The following TASOR variants were observed in gnomAD, a reference collection of about 807,000 sequenced individuals.
The protein encoded by TASOR is protein TASOR.
TASOR carries 53 observed loss-of-function variants against 178.6 expected under a neutral mutation model. The observed-to-expected ratio is 0.30, with a 90% CI of 0.24 to 0.37. TASOR has a LOEUF of 0.37. Among genes scored for constraint, TASOR ranks in the 10% least tolerant of loss-of-function variants. The pLI is 1.00. For synonymous variants in TASOR, 713 were observed against 696.2 expected (o/e 1.02, Z -0.38); for missense variants, 1,815 against 1,971.4 (o/e 0.92, Z 1.50).
At chr3:56,649,299 C>A (rs1438449004) in intron 11 of TASOR, among the ~76,000 whole-genome samples, 1 of 152,158 alleles carries the variant, frequency 6.6e-6, no homozygotes, top group Admixed American at 6.5e-5. Context: ...AAGAACTCCC[C>A]TAACTGCAAA....
intron 11 of TASOR, among the ~76,000 whole-genome samples, chr3:56,651,907 C>T (rs1482731507): frequency 6.6e-6 from 1 of 152,070 alleles, no homozygotes; most frequent in Non-Finnish European, 1.5e-5. Context: ...GTTCATAGCA[C>T]CATTATTCAT....
At chr3:56,670,940 CA>C (rs11300845) in intron 3 of TASOR, among the ~76,000 whole-genome samples, 14,493 of 52,540 alleles carry the variant, frequency 0.28, 318 homozygotes, top group East Asian at 0.35. Context: ...GACTCCATCT[CA>C]AAAAAAAAAA....
chr3:56,639,207 A>G (rs1044159437), intron 16 of TASOR, among the ~76,000 whole-genome samples: 2 of 152,216 alleles, frequency 1.3e-5, no homozygotes, highest in Non-Finnish European at 2.9e-5. Flanking sequence ...TTTAGTTCAC[A>G]GGCCAGTCTA....
In TASOR at chr3:56,633,064, C is replaced by T; in HGVS notation, c.3727G>A (p.Val1243Met). The change falls in exon 18 of 24, where the codon GTG becomes ATG. Residue 1243 changes from valine (V) to methionine (M), a missense_variant. Coordinates refer to ENST00000683822, the MANE Select transcript of TASOR (RefSeq NM_001365635.2). ...KFYIHEEEES[V>M]LCKEIKEYLI... The stretch of plus-strand genomic sequence containing the variant: ...GTTACCTTTATTTCTTTACAGAGCA[C>T]ACTCTCTTCTTCTTCATGAATATAA... 6.3e-7 allele frequency: 1 copy of T among 1,595,310 alleles called. No individual in the cohort carries two copies.
Position 56,683,178 on chromosome 3 carries a change from C to CTACA in TASOR, c.-173_-172insTGTA. ...GGCAGCCTCTTGGGGGGCCCTGTAG[C>CTACA]GGGCACCCCAAATGCGCTGCCCGGT... is the stretch of plus-strand genomic sequence containing the variant. On this transcript the variant is annotated 5_prime_UTR_variant, in exon 1 of 24. Coordinates refer to ENST00000683822, the MANE Select transcript of TASOR (RefSeq NM_001365635.2). 3.0e-6 allele frequency: 2 copies of CTACA among 660,378 alleles called. No homozygotes were observed. Among genetic ancestry groups the CTACA allele is most frequent in the Non-Finnish European group, 2.5e-6 (1 of 403,898 alleles). The allele number at this position is 660,378 out of a possible 1,614,324, so 40.9% of individuals were successfully genotyped here.
At position 56,682,688 on chromosome 3, in the gene TASOR, T is replaced by C; in HGVS notation, c.319A>G (p.Arg107Gly). The change falls in exon 1 of 24, where the codon AGA (arginine) becomes GGA (glycine). Residue 107 changes from arginine (R) to glycine (G), a missense_variant. Coordinates refer to ENST00000683822, the MANE Select transcript of TASOR (RefSeq NM_001365635.2). Reference protein sequence around the residue: ...RRSFQIPRKSREKKALFQPLT... With the variant: ...RRSFQIPRKSGEKKALFQPLT... ...GGGGAGGCACCACCTTTCTTTTCTC[T>C]GCTCTTCCTGGGGATCTGAAAACTC... 1 of 1,472,308 alleles carries C rather than the reference T, an allele frequency of 6.8e-7. No individual in the cohort carries two copies. Among genetic ancestry groups the C allele is most frequent in the Non-Finnish European group, 9.0e-7 (1 of 1,109,148 alleles). The allele number at this position is 1,472,308 out of a possible 1,614,324, so 91.2% of individuals were successfully genotyped here. A position where few individuals can be genotyped will look rare whatever the true frequency, so the allele number is the denominator to read the frequency against.
chr3:56,660,714 A>G lies in TASOR; in HGVS notation c.1368+17T>C, dbSNP rs41276465. 0.049 allele frequency: 78,155 copies of G among 1,587,228 alleles called. 2,154 individuals are homozygous for G. Among genetic ancestry groups the G allele is most frequent in the East Asian group, 0.095 (4,231 of 44,672 alleles). On this transcript the variant is annotated intron_variant, in intron 11 of 23. Transcript: ENST00000683822. ...TTGTAACAAAGAATGAGAAACATTA[A>G]AAAACTTTTCACTCACAAGTTTTTC...
chr3:56,655,198 CT>C (rs1200765038), intron 11 of TASOR, among the ~76,000 whole-genome samples: 2 of 151,852 alleles, frequency 1.3e-5, no homozygotes, highest in African/African-American at 4.8e-5. Context: ...TGTTATAAGG[CT>C]TTTTTTTCTT....
At chr3:56,682,056 A>G (rs1354424785) in intron 1 of TASOR, among the ~76,000 whole-genome samples, 1 of 152,214 alleles carries the variant, frequency 6.6e-6, no homozygotes, top group Non-Finnish European at 1.5e-5. Context: ...ATTTAAAGAG[A>G]GAAAAACCTA....
intron 11 of TASOR, among the ~76,000 whole-genome samples, chr3:56,650,278 G>A (rs920414934): frequency 1.9e-4 from 29 of 152,180 alleles, no homozygotes; most frequent in Non-Finnish European, 2.9e-5. Context: ...AAAAGTAACT[G>A]TGCTACTAAT....
chr3:56,653,441 C>T (rs1004195925), intron 11 of TASOR, among the ~76,000 whole-genome samples: 1 of 150,522 alleles, frequency 6.6e-6, no homozygotes, highest in Admixed American at 6.6e-5. Flanking sequence ...AACTGCTAAA[C>T]ATCAAAGACC....
In TASOR at chr3:56,633,447, G is replaced by A; in HGVS notation, c.3344C>T (p.Pro1115Leu). The A allele has an allele frequency of 6.2e-7, 1 of 1,614,082 alleles. No individual in the cohort carries two copies. The highest frequency in any genetic ancestry group is 8.5e-7 in the Non-Finnish European group (1 of 1,179,986). The change falls in exon 18 of 24, where the codon CCT becomes CTT. Residue 1115 changes from proline (P) to leucine (L), a missense_variant. Pro to Leu is a moderately conservative substitution (Grantham distance 98). Around this residue, in one of 5 missense-constraint regions of TASOR, gnomAD observed 655 missense variants for 671.1 expected, o/e 0.98. Transcript: ENST00000683822. ...AACTGGTATGACATGCCTTTCCAGA[G>A]GATTCGATGCTATCTTAGCACCAGA... ...NDSGAKIASN[P>L]LERHVIPVSS...
intron 9 of TASOR, among the ~76,000 whole-genome samples, chr3:56,662,044 C>T (rs980897262): frequency 7.9e-5 from 12 of 151,338 alleles, no homozygotes; most frequent in African/African-American, 2.7e-4. Context: ...ATGGGAGAAT[C>T]GCTTGAACCC....
intron 18 of TASOR, among the ~76,000 whole-genome samples, chr3:56,631,580 T>TTTTG (rs1490503702): frequency 1.7e-5 from 2 of 117,354 alleles, no homozygotes; most frequent in African/African-American, 7.4e-5. Flanking sequence ...GTCTGTGTTT[T>TTTTG]TTTGTTTTTT....
chr3:56,682,637 G>A lies in TASOR; in HGVS notation c.331+39C>T, dbSNP rs372367002. On this transcript the variant is annotated intron_variant, in intron 1 of 23. Transcript: ENST00000683822. ...AAAGATTCTAATGAAAAGATGGAGG[G>A]GAGAGAGAGAGGGGGTTGAGAAGAA... The A allele has an allele frequency of 1.4e-4, 194 of 1,415,606 alleles. 1 individual carries two copies. The South Asian group carries it at 2.2e-3, about 16-fold the overall frequency. 87.7% of individuals were successfully genotyped at this position (1,415,606 alleles called of 1,614,324 possible). A position where few individuals can be genotyped will look rare whatever the true frequency, so the allele number is the denominator to read the frequency against.
Position 56,662,478 on chromosome 3 carries a change from T to A in TASOR, c.1067A>T (p.Tyr356Phe). The A allele has an allele frequency of 6.7e-7, 1 of 1,483,346 alleles. No individual in the cohort carries two copies. The highest frequency in any genetic ancestry group is 9.2e-7 in the Non-Finnish European group (1 of 1,092,722). The allele number at this position is 1,483,346 out of a possible 1,614,324, so 91.9% of individuals were successfully genotyped here. ...NTDRNIDKYNYTLWKGQLLNK... is the reference protein window; with the variant it reads ...NTDRNIDKYNFTLWKGQLLNK... ...TAAAAGCTGTCCTTTCCACAAGGTA[T>A]AGTTATATTTATCTAAATAAAAAGA... The change falls in exon 9 of 24, where the codon TAT becomes TTT. Residue 356 changes from tyrosine to phenylalanine, a missense_variant. Tyr to Phe is a conservative substitution (Grantham distance 22). Around this residue, in one of 5 missense-constraint regions of TASOR, gnomAD observed 504 missense variants for 645.3 expected, o/e 0.78. Transcript: ENST00000683822.
intron 1 of TASOR, among the ~76,000 whole-genome samples, chr3:56,679,870 T>G (rs1004110783): frequency 6.6e-6 from 1 of 152,196 alleles, no homozygotes; most frequent in Non-Finnish European, 1.5e-5. Context: ...AATGTAAGAA[T>G]CATGCCTCAG....
intron 18 of TASOR, chr3:56,628,859 C>A (rs1048788886): frequency 3.1e-5 from 8 of 254,562 alleles, no homozygotes; most frequent in Admixed American, 1.1e-4. Context: ...CTCCCAGGCT[C>A]AAGCCACCCT....
chr3:56,666,231 G>A (rs886411044), intron 7 of TASOR, 29 bp downstream of exon 7: 66 of 1,505,850 alleles, frequency 4.4e-5, no homozygotes, highest in Non-Finnish European at 5.5e-5. Flanking sequence ...TTATCACTGC[G>A]GATGATGTCT....
Sources: allele counts gnomAD v4.1 joint callset (sites outside exome capture counted in the v4.1 genomes callset), GRCh38; gene constraint gnomAD v4.1.1; regional missense constraint gnomAD v4.1.1; transcripts MANE v1.5; gene names NCBI Gene and HGNC (gene_info 2026-07-23, HGNC 2026-07-21).